The following RBKS variants were observed in gnomAD, a reference collection of about 807,000 sequenced individuals.
The protein encoded by RBKS is ribokinase.
Under a neutral mutation model 33.9 loss-of-function variants are expected in RBKS, and 33 were observed. The ratio of observed to expected loss-of-function variants is 0.97; its 90% CI spans 0.74 to 1.30. The LOEUF (loss-of-function observed/expected upper bound fraction) is 1.30, where lower values mean the gene tolerates loss of function less well. RBKS is among the 50% of genes most tolerant of loss of function. The pLI is 0.00. For missense variants in RBKS, 361 were observed against 392.6 expected, an observed-to-expected ratio of 0.92 and a Z score of 0.68; for synonymous variants, 125 against 143.0, an observed-to-expected ratio of 0.87 and a Z score of 0.90.
chr2:27,875,377 G>A (rs1198282080), intron 1 of RBKS, among the ~76,000 whole-genome samples: 1 of 152,104 alleles, frequency 6.6e-6, no homozygotes, highest in Non-Finnish European at 1.5e-5. Context: ...GCGAGACCTT[G>A]TCTCAACCAA....
rs1476565287 is a variant in RBKS, at chr2:27,890,133, C to G, written c.89+124G>C. The G allele has an allele frequency of 3.7e-6, 3 of 802,270 alleles. No individual in the cohort carries two copies. The highest frequency in any genetic ancestry group is 5.9e-6 in the Non-Finnish European group (3 of 505,834). The allele number at this position is 802,270 out of a possible 1,614,324, so 49.7% of individuals were successfully genotyped here. On this transcript the variant is annotated intron_variant, in intron 1 of 7. Coordinates refer to ENST00000302188, the MANE Select transcript of RBKS (RefSeq NM_022128.3). The surrounding 1 kb of genome is among the most constrained non-coding windows in gnomAD (Gnocchi z 4.8). ...GGCTGAAGGCTTCGAAAACCTGCAGCTCATACCCAAAGCTAGCACTGTCTA... is the reference window on the plus strand; with the variant it reads ...GGCTGAAGGCTTCGAAAACCTGCAGGTCATACCCAAAGCTAGCACTGTCTA...
intron 7 of RBKS, among the ~76,000 whole-genome samples, chr2:27,803,253 A>G (rs2148190221): frequency 6.6e-6 from 1 of 152,312 alleles, no homozygotes; most frequent in African/African-American, 2.4e-5. Flanking sequence ...GAGCATCATG[A>G]TGGACAGTGA....
At chr2:27,886,422 A>G (rs1345026246) in intron 1 of RBKS, among the ~76,000 whole-genome samples, 1 of 152,242 alleles carries the variant, frequency 6.6e-6, no homozygotes, top group African/African-American at 2.4e-5. Context: ...TAATAAAGAT[A>G]CTATCTTTAG....
chr2:27,836,700 G>T (rs541985956), intron 5 of RBKS, among the ~76,000 whole-genome samples: 1 of 152,170 alleles, frequency 6.6e-6, no homozygotes, highest in East Asian at 1.9e-4. Context: ...GGTCAATAGA[G>T]TAAACAGAAA....
intron 7 of RBKS, among the ~76,000 whole-genome samples, chr2:27,790,689 A>T (rs1388425331): frequency 1.3e-5 from 2 of 152,238 alleles, no homozygotes; most frequent in Non-Finnish European, 2.9e-5. Context: ...ATCATCAGAC[A>T]CTAGGGAAAT....
chr2:27,844,263 G>GAA lies in RBKS; in HGVS notation c.350-1034_350-1033dup, dbSNP rs1348408045. Among the ~76,000 whole-genome samples, 82 of 84,106 alleles carry GAA rather than the reference G, an allele frequency of 9.7e-4. 2 individuals are homozygous for GAA. Among genetic ancestry groups the GAA allele is most frequent in the East Asian group, 3.9e-3 (15 of 3,896 alleles). 55.2% of individuals were successfully genotyped at this position (84,106 alleles called of 152,430 possible). On this transcript the variant is annotated intron_variant, in intron 4 of 7. Coordinates refer to ENST00000302188, the MANE Select transcript of RBKS (RefSeq NM_022128.3). ...CAAGAGTGAGTGAGACTCTGTCTCA[G>GAA]AAAAAAAAAAAAAAAAAGAAATGTG...
chr2:27,845,974 T>G (rs2148213042), intron 4 of RBKS, among the ~76,000 whole-genome samples: 1 of 152,294 alleles, frequency 6.6e-6, no homozygotes, highest in Admixed American at 6.5e-5. Context: ...CCATTTTTTT[T>G]TTTTTGAGAC....
chr2:27,813,186 C>T (rs555773203), intron 7 of RBKS, among the ~76,000 whole-genome samples: 1 of 152,132 alleles, frequency 6.6e-6, no homozygotes, highest in Non-Finnish European at 1.5e-5. Flanking sequence ...ATACCTTCAA[C>T]CTAGACTACA....
At chr2:27,787,452 T>C (rs1290379165) in intron 7 of RBKS, among the ~76,000 whole-genome samples, 4 of 151,964 alleles carry the variant, frequency 2.6e-5, no homozygotes, top group African/African-American at 9.7e-5. Context: ...ATAAAACAAA[T>C]AAATAGCCAG....
rs376089289 is a variant in RBKS at position 27,858,455 on chromosome 2, G to C, written c.206C>G (p.Thr69Arg). 27 of 1,613,476 alleles carry C rather than the reference G, an allele frequency of 1.7e-5. No individual in the cohort carries two copies. The highest frequency in any genetic ancestry group is 2.5e-6 in the Non-Finnish European group (3 of 1,179,834). Residue 69 changes from threonine to arginine, a missense_variant, in exon 2 of 8, where the codon ACG (threonine) becomes AGG (arginine). Coordinates refer to ENST00000302188, the MANE Select transcript of RBKS (RefSeq NM_022128.3). ...TGTACTTACCTTACACACCATGGACGTCATTGCTCCAAGCCGAGCAGCTTG... is the reference window on the plus strand; with the variant it reads ...TGTACTTACCTTACACACCATGGACCTCATTGCTCCAAGCCGAGCAGCTTG... ...CVQAARLGAM[T>R]SMVCKVGKDS...
At position 27,866,699 on chromosome 2, in the gene RBKS, T is replaced by C. The variant is rs996376059; in HGVS notation, c.90-8128A>G. 3.3e-5 allele frequency among the ~76,000 whole-genome samples: 5 copies of C among 152,228 alleles called. No individual in the cohort carries two copies. In the South Asian group the frequency reaches 8.3e-4, roughly 25 times the overall value. On this transcript the variant is annotated intron_variant, in intron 1 of 7. Transcript: ENST00000302188. ...TCCAGTGGATTTTTTATTTCAGATA[T>C]TGCATTTTTCATTTTTTAGACCTGG...
intron 7 of RBKS, among the ~76,000 whole-genome samples, chr2:27,820,020 C>T (rs553827005): frequency 2.6e-5 from 4 of 152,136 alleles, no homozygotes; most frequent in South Asian, 2.1e-4. Flanking sequence ...AGGGGCTCCT[C>T]GGCCCAGTTA....
chr2:27,870,184 C>G (rs974593809), intron 1 of RBKS: 2 of 152,462 alleles, frequency 1.3e-5, no homozygotes, highest in African/African-American at 4.8e-5. Context: ...CAGTCTCTTT[C>G]AAAATATCTG....
chr2:27,842,978 A>C, intron 5 of RBKS, 89 bp downstream of exon 5: 2 of 913,328 alleles, frequency 2.2e-6, no homozygotes, highest in Non-Finnish European at 3.1e-6. Context: ...CGACAGAAAG[A>C]GTATTGCTTT....
intron 7 of RBKS, among the ~76,000 whole-genome samples, chr2:27,785,761 C>CAAAA (rs534800572): frequency 1.0e-5 from 1 of 97,020 alleles, no homozygotes; most frequent in East Asian, 3.1e-4. Flanking sequence ...GACTCCATCT[C>CAAAA]AAAAAAAAAA....
rs547636796 is a variant in RBKS at position 27,810,889 on chromosome 2, T to C, written c.795+16678A>G. Reference sequence around the variant, plus strand: ...CACACAGCAGCCATATTAATCTTTTTATAAAGTATAAATCTGATCAAATGT... The same window carrying C: ...CACACAGCAGCCATATTAATCTTTTCATAAAGTATAAATCTGATCAAATGT... On this transcript the variant is annotated intron_variant, in intron 7 of 7. Coordinates refer to ENST00000302188, the MANE Select transcript of RBKS (RefSeq NM_022128.3). This position sits in a 1 kb window ranked among gnomAD's most constrained non-coding sequence, Gnocchi z 4.4. Among the ~76,000 whole-genome samples the C allele has an allele frequency of 1.4e-4, 21 of 152,318 alleles. No homozygotes were observed. In the South Asian group the frequency reaches 4.1e-3, roughly 30 times the overall value.
chr2:27,886,398 G>T (rs1186208310), intron 1 of RBKS, among the ~76,000 whole-genome samples: 1 of 152,070 alleles, frequency 6.6e-6, no homozygotes, highest in Admixed American at 6.5e-5. Flanking sequence ...GTTAAATTTA[G>T]GAATAAGGCA....
intron 1 of RBKS, among the ~76,000 whole-genome samples, chr2:27,861,726 A>C (rs1431131790): frequency 6.7e-6 from 1 of 148,742 alleles, no homozygotes; most frequent in African/African-American, 2.5e-5. Context: ...ATCTCGGCTC[A>C]CTGTTACCTC....
At chr2:27,853,844 A>C (rs1663798921) in intron 2 of RBKS, among the ~76,000 whole-genome samples, 1 of 152,172 alleles carries the variant, frequency 6.6e-6, no homozygotes, top group African/African-American at 2.4e-5. Flanking sequence ...CATATGGCTA[A>C]GCATTCCAAT....
Sources: gnomAD v4.1 joint callset for allele counts (sites outside exome capture counted in the v4.1 genomes callset) on GRCh38, gnomAD v4.1.1 for gene constraint, Gnocchi (gnomAD v3.1) non-coding constraint, MANE v1.5 for transcripts, NCBI Gene and HGNC (gene_info 2026-07-23, HGNC 2026-07-21) for gene names.